The following TRERF1 variants were observed in gnomAD, a reference collection of about 807,000 sequenced individuals.
The protein encoded by TRERF1 is transcriptional-regulating factor 1.
Under a neutral mutation model 122.9 loss-of-function variants are expected in TRERF1, and 27 were observed. The observed-to-expected ratio is 0.22, with a 90% confidence interval of 0.16 to 0.30. The LOEUF (loss-of-function observed/expected upper bound fraction) is 0.30. TRERF1 is among the 10% of genes least tolerant of loss of function. The pLI is 1.00. For synonymous variants in TRERF1, 636 were observed against 641.7 expected (o/e 0.99, Z 0.13); for missense variants, 1,248 against 1,560.3 (o/e 0.80, Z 3.37).
At chr6:42,322,001 T>G (rs1440611754) in intron 3 of TRERF1, among the ~76,000 whole-genome samples, 4 of 152,240 alleles carry the variant, frequency 2.6e-5, no homozygotes, top group East Asian at 3.8e-4. Context: ...TGTAAATGTT[T>G]TCAATCTTAA....
chr6:42,398,931 G>A (rs1779002446), intron 2 of TRERF1, among the ~76,000 whole-genome samples: 1 of 152,308 alleles, frequency 6.6e-6, no homozygotes, highest in South Asian at 2.1e-4. Flanking sequence ...TACTGGCCTG[G>A]AACCTACATT....
intron 3 of TRERF1, among the ~76,000 whole-genome samples, chr6:42,303,854 G>A (rs937526550): frequency 7.4e-6 from 1 of 134,362 alleles, no homozygotes; most frequent in Non-Finnish European, 1.5e-5. Flanking sequence ...AGTGAGCAGA[G>A]ATCGCACCAC....
chr6:42,289,856 G>A (rs1390732142), intron 4 of TRERF1, among the ~76,000 whole-genome samples: 1 of 152,232 alleles, frequency 6.6e-6, no homozygotes. Flanking sequence ...TAGCTTGGAT[G>A]AGGGTGACGG....
At chr6:42,252,150 G>A (rs1379883935) in intron 13 of TRERF1, among the ~76,000 whole-genome samples, 6 of 152,218 alleles carry the variant, frequency 3.9e-5, no homozygotes. Context: ...TGTGGATCCT[G>A]TACAGGGTTC....
At chr6:42,428,061 C>T (rs1783914795) in intron 2 of TRERF1, among the ~76,000 whole-genome samples, 1 of 152,110 alleles carries the variant, frequency 6.6e-6, no homozygotes, top group Non-Finnish European at 1.5e-5. Flanking sequence ...AAATAGGAGT[C>T]AAGTCTGGGT....
rs1350675986 is a variant in TRERF1, at chr6:42,327,056, C to T, written c.-370-26307G>A. 2.0e-5 allele frequency among the ~76,000 whole-genome samples: 3 copies of T among 152,116 alleles called. No homozygotes were observed. In the East Asian group the frequency reaches 5.8e-4, roughly 29 times the overall value. On this transcript the variant is annotated intron_variant, in intron 3 of 17. Coordinates refer to ENST00000372922, the Ensembl canonical transcript of TRERF1. ...AGAATCCTTGAGACATCTAAGAATCCTCTGATGTTATACAATGCCCACAAG... is the reference window on the plus strand; with the variant it reads ...AGAATCCTTGAGACATCTAAGAATCTTCTGATGTTATACAATGCCCACAAG...
chr6:42,243,877 G>GC (rs1774251018), intron 14 of TRERF1, among the ~76,000 whole-genome samples: 2 of 126,402 alleles, frequency 1.6e-5, no homozygotes, highest in South Asian at 4.8e-4. Context: ...ACTGCGCCCA[G>GC]CCTTTTTTTT....
intron 2 of TRERF1, among the ~76,000 whole-genome samples, chr6:42,399,595 A>C (rs779353299): frequency 7.9e-5 from 12 of 152,328 alleles, no homozygotes; most frequent in Admixed American, 2.0e-4. Flanking sequence ...CTTTGTATCT[A>C]AAACACTGGA....
intron 15 of TRERF1, among the ~76,000 whole-genome samples, chr6:42,241,763 A>G (rs1017714998): frequency 6.6e-5 from 10 of 152,294 alleles, no homozygotes; most frequent in Non-Finnish European, 1.3e-4. Context: ...TGCCTGGCCA[A>G]GTCCAAATTT....
chr6:42,282,131 T>A (rs1162745136), intron 4 of TRERF1, among the ~76,000 whole-genome samples: 2 of 152,080 alleles, frequency 1.3e-5, no homozygotes, highest in African/African-American at 2.4e-5. Flanking sequence ...TGTAGACAAG[T>A]GTGTATGCTG....
In TRERF1 at chr6:42,429,388, T is replaced by TA; in HGVS notation, c.-454+21788dup. ...CAACCCAGTAGGCTCCGGGCCGTCC[T>TA]AAGTGAACCAACCACAGGAGAAAAC... On this transcript the variant is annotated intron_variant, in intron 2 of 17. Coordinates refer to ENST00000372922, the Ensembl canonical transcript of TRERF1. Among the ~76,000 whole-genome samples, 3 of 152,192 alleles carry TA rather than the reference T, an allele frequency of 2.0e-5. No individual in the cohort carries two copies. In the Middle Eastern group the frequency reaches 0.01, roughly 518 times the overall value.
chr6:42,266,066 G>A (rs147652474), intron 5 of TRERF1, among the ~76,000 whole-genome samples: 2 of 152,040 alleles, frequency 1.3e-5, no homozygotes, highest in African/African-American at 4.8e-5. Context: ...CTCCCCCACC[G>A]TGTTTTTTCC....
chr6:42,384,302 G>A (rs1380366500), intron 2 of TRERF1, among the ~76,000 whole-genome samples: 1 of 151,980 alleles, frequency 6.6e-6, no homozygotes, highest in Non-Finnish European at 1.5e-5. Context: ...AAGAATAAAG[G>A]AAAAAATGTT....
rs1041607732 is a variant in TRERF1 at position 42,276,172 on chromosome 6, C to T, written c.-258-6324G>A. On this transcript the variant is annotated intron_variant, in intron 4 of 17. Transcript: ENST00000372922. The surrounding 1 kb of genome is among the most constrained non-coding windows in gnomAD (Gnocchi z 4.3). ...GGCCTGGGGCACCAGGAGACAAGGCCGCAGTCTGCAAGAAGGATATCTGTC... is the reference window on the plus strand; with the variant it reads ...GGCCTGGGGCACCAGGAGACAAGGCTGCAGTCTGCAAGAAGGATATCTGTC... 1.3e-5 allele frequency among the ~76,000 whole-genome samples: 2 copies of T among 152,120 alleles called. No homozygotes were observed. Among genetic ancestry groups the T allele is most frequent in the African/African-American group, 2.4e-5 (1 of 41,432 alleles).
At chr6:42,288,574 CAAAA>C (rs3074797) in intron 4 of TRERF1, among the ~76,000 whole-genome samples, 12 of 86,536 alleles carry the variant, frequency 1.4e-4, no homozygotes, top group African/African-American at 3.9e-4. Flanking sequence ...ATCTCAAAAC[CAAAA>C]AAAAAAAAAA....
At position 42,367,857 on chromosome 6, in the gene TRERF1, C is replaced by T. The variant is rs116546032; in HGVS notation, c.-453-4778G>A. 8.8e-3 allele frequency among the ~76,000 whole-genome samples: 1,343 copies of T among 152,122 alleles called. 14 individuals carry two copies. The highest frequency in any genetic ancestry group is 0.029 in the African/African-American group (1,187 of 41,502). On this transcript the variant is annotated intron_variant, in intron 2 of 17. Coordinates refer to ENST00000372922, the Ensembl canonical transcript of TRERF1. Reference sequence around the variant, plus strand: ...AAGGGGAAGTGACACACAGAGGTCCCGCAGAGCTCCCATCCCCGATCTGAT... The same window carrying T: ...AAGGGGAAGTGACACACAGAGGTCCTGCAGAGCTCCCATCCCCGATCTGAT...
chr6:42,406,642 C>T (rs991958277), intron 2 of TRERF1, among the ~76,000 whole-genome samples: 12 of 152,176 alleles, frequency 7.9e-5, no homozygotes, highest in African/African-American at 2.7e-4. Context: ...TGCCTCTCTC[C>T]GGCATCCCCC....
intron 2 of TRERF1, among the ~76,000 whole-genome samples, chr6:42,443,498 G>A (rs1786901095): frequency 6.6e-6 from 1 of 152,182 alleles, no homozygotes; most frequent in Non-Finnish European, 1.5e-5. Context: ...AACAAACACT[G>A]AATGCAAATG....
At chr6:42,335,990 C>T (rs1437340056) in intron 3 of TRERF1, among the ~76,000 whole-genome samples, 4 of 152,198 alleles carry the variant, frequency 2.6e-5, no homozygotes, top group African/African-American at 7.2e-5. Context: ...AGCCACTAGC[C>T]GCTGTTGAGC....
Sources: gnomAD v4.1 joint callset for allele counts (sites outside exome capture counted in the v4.1 genomes callset) on GRCh38, gnomAD v4.1.1 for gene constraint, Gnocchi (gnomAD v3.1) non-coding constraint, MANE v1.5 for transcripts, NCBI Gene and HGNC (gene_info 2026-07-23, HGNC 2026-07-21) for gene names.